BBS9: variants seen among roughly 807,000 people sequenced by gnomAD.
The protein encoded by BBS9 is protein PTHB1.
In BBS9, 89 loss-of-function variants were observed where a neutral mutation model predicts 117.7. The observed-to-expected ratio is 0.76, with a 90% confidence interval of 0.64 to 0.90. The LOEUF is 0.90. Among genes scored for constraint, BBS9 ranks in the 40% least tolerant of loss-of-function variants. The pLI is 0.00. For missense variants in BBS9, 982 were observed against 1,042.2 expected (o/e 0.94, Z 0.80); for synonymous variants, 379 against 370.9 (o/e 1.02, Z -0.25).
At chr7:33,421,569 G>T (rs967830310) in intron 19 of BBS9, among the ~76,000 whole-genome samples, 7 of 152,154 alleles carry the variant, frequency 4.6e-5, no homozygotes, top group African/African-American at 1.7e-4. Context: ...CAGAACATTA[G>T]GGAATGTTCC....
chr7:33,575,513 A>AT (rs1404743342), intron 21 of BBS9, among the ~76,000 whole-genome samples: 1 of 152,196 alleles, frequency 6.6e-6, no homozygotes, highest in Non-Finnish European at 1.5e-5. Flanking sequence ...TTCTGAAACT[A>AT]TTCCAATCAA....
intron 7 of BBS9, among the ~76,000 whole-genome samples, 193 bp from the exon 8 acceptor site, chr7:33,272,819 C>A (rs1800040200): frequency 1.3e-5 from 2 of 151,762 alleles, no homozygotes; most frequent in Admixed American, 1.3e-4. Flanking sequence ...TGGAACAAAA[C>A]TTTGATTAGA....
chr7:33,296,845 A>T (rs963381780), intron 9 of BBS9, among the ~76,000 whole-genome samples: 8 of 152,190 alleles, frequency 5.3e-5, no homozygotes, highest in Non-Finnish European at 1.2e-4. Flanking sequence ...ACCAGATAGA[A>T]TTCAATATTG....
intron 19 of BBS9, among the ~76,000 whole-genome samples, chr7:33,493,779 G>C (rs985105397): frequency 1.3e-5 from 2 of 152,144 alleles, no homozygotes; most frequent in African/African-American, 4.8e-5. Flanking sequence ...TTTACACCTT[G>C]GACCCCATCC....
At chr7:33,286,691 G>T (rs1802964649) in intron 9 of BBS9, among the ~76,000 whole-genome samples, 1 of 152,044 alleles carries the variant, frequency 6.6e-6, no homozygotes, top group Non-Finnish European at 1.5e-5. Context: ...TGTGTGTGGG[G>T]GGCAGTAACA....
chr7:33,442,198 G>T (rs541470288), intron 19 of BBS9, among the ~76,000 whole-genome samples: 1 of 152,112 alleles, frequency 6.6e-6, no homozygotes, highest in Non-Finnish European at 1.5e-5. Flanking sequence ...GACTGCTGGC[G>T]TATGCTTCTA....
At chr7:33,422,482 T>C (rs1355251403) in intron 19 of BBS9, among the ~76,000 whole-genome samples, 1 of 152,246 alleles carries the variant, frequency 6.6e-6, no homozygotes, top group Non-Finnish European at 1.5e-5. Context: ...ATAGTGATGA[T>C]ACTTTAATTG....
chr7:33,309,563 A>ATTATAG (rs1808754373), intron 9 of BBS9, among the ~76,000 whole-genome samples: 1 of 152,212 alleles, frequency 6.6e-6, no homozygotes, highest in African/African-American at 2.4e-5. Context: ...TGATGGGTTA[A>ATTATAG]TTATAGTGAT....
intron 21 of BBS9, among the ~76,000 whole-genome samples, chr7:33,566,805 A>C (rs749117956): frequency 6.6e-6 from 1 of 152,328 alleles, no homozygotes; most frequent in Admixed American, 6.5e-5. Flanking sequence ...CTTAAATTTC[A>C]TTGAAGAAGA....
chr7:33,493,070 C>T (rs1019516466), intron 19 of BBS9, among the ~76,000 whole-genome samples: 6 of 152,104 alleles, frequency 3.9e-5, no homozygotes, highest in Non-Finnish European at 8.8e-5. Flanking sequence ...TCTTGGCTCA[C>T]TGCAGCCTCC....
chr7:33,568,171 C>G (rs1275056155), intron 21 of BBS9, among the ~76,000 whole-genome samples: 1 of 152,142 alleles, frequency 6.6e-6, no homozygotes. Flanking sequence ...TCTTTTCTAG[C>G]CTTGTCTCTC....
At chr7:33,411,552 A>T (rs562756124) in intron 19 of BBS9, among the ~76,000 whole-genome samples, 3 of 152,250 alleles carry the variant, frequency 2.0e-5, no homozygotes, top group Admixed American at 1.3e-4. Context: ...AACAACGCAA[A>T]AATTGTGTAT....
rs559019540 is a variant in BBS9 at position 33,176,493 on chromosome 7, A to G, written c.329-985A>G. ...GGAAATTTCTGTAAATTTGTTTTGA[A>G]CTTAAGGTGCTTCAATTCTAAAACG... is the stretch of plus-strand genomic sequence containing the variant. On this transcript the variant is annotated intron_variant, in intron 4 of 22. Coordinates refer to ENST00000242067, the MANE Select transcript of BBS9 (RefSeq NM_198428.3). Among the ~76,000 whole-genome samples the G allele has an allele frequency of 7.2e-5, 11 of 152,292 alleles. No individual in the cohort carries two copies. In the South Asian group the frequency reaches 2.3e-3, roughly 32 times the overall value.
chr7:33,332,519 A>G (rs1814318539), intron 9 of BBS9, among the ~76,000 whole-genome samples: 1 of 152,160 alleles, frequency 6.6e-6, no homozygotes, highest in Admixed American at 6.5e-5. Flanking sequence ...TGTACTAAAA[A>G]TATAAAAATT....
intron 21 of BBS9, among the ~76,000 whole-genome samples, chr7:33,559,531 A>T (rs1031246910): frequency 1.3e-5 from 2 of 152,162 alleles, no homozygotes; most frequent in African/African-American, 4.8e-5. Flanking sequence ...CTTACCCGAT[A>T]AAAACAGGAT....
chr7:33,425,442 G>A (rs1474174272), intron 19 of BBS9, among the ~76,000 whole-genome samples: 1 of 152,104 alleles, frequency 6.6e-6, no homozygotes, highest in East Asian at 1.9e-4. Context: ...GCACTTATCA[G>A]CCCATCACCT....
chr7:33,558,876 C>A (rs2700698), intron 21 of BBS9, among the ~76,000 whole-genome samples: 103,593 of 152,070 alleles, frequency 0.68, 36,672 homozygotes, highest in African/African-American at 0.87. Context: ...GAAATCATGA[C>A]TAATGAATTT....
intron 21 of BBS9, among the ~76,000 whole-genome samples, chr7:33,592,215 C>T (rs1433830257): frequency 1.3e-5 from 2 of 152,054 alleles, no homozygotes; most frequent in Non-Finnish European, 2.9e-5. Flanking sequence ...GGAGTTAGAA[C>T]TGAAAATAAT....
intron 5 of BBS9, among the ~76,000 whole-genome samples, chr7:33,195,053 A>G (rs2128200088): frequency 6.6e-6 from 1 of 152,290 alleles, no homozygotes; most frequent in East Asian, 1.9e-4. Flanking sequence ...TCTTCCTAAT[A>G]TAGTAACTGT....
Sources: allele counts gnomAD v4.1 joint callset (sites outside exome capture counted in the v4.1 genomes callset), GRCh38; gene constraint gnomAD v4.1.1; transcripts MANE v1.5; gene names NCBI Gene and HGNC (gene_info 2026-07-23, HGNC 2026-07-21).